The following DMD variants were observed in gnomAD, a reference collection of about 807,000 sequenced individuals.
The protein encoded by DMD is dystrophin, also known as mutant dystrophin.
A neutral mutation model predicts 330.1 loss-of-function variants in DMD; 63 were observed. That is an observed-to-expected ratio of 0.19 (90% CI 0.16 to 0.24). The LOEUF is 0.24. Ranked by LOEUF, DMD falls within the 10% of genes least tolerant of loss-of-function variation. The pLI is 1.00. For synonymous variants in DMD, 1,223 were observed against 959.8 expected, an observed-to-expected ratio of 1.27 and a Z score of -5.07; for missense variants, 3,344 against 2,684.1, an observed-to-expected ratio of 1.25 and a Z score of -5.43.
At position 32,750,220 on chromosome X, in the gene DMD, G is replaced by T. The variant is rs771946170; in HGVS notation, c.650-50927C>A. Among the ~76,000 whole-genome samples the T allele has an allele frequency of 5.4e-5, 6 of 111,898 alleles. No individual in the cohort carries two copies. In the Admixed American group the frequency reaches 5.7e-4, roughly 11 times the overall value. ...CTCTATGAAAACTAGCATAGCATTAGAGTTAGAAAACTGAATCATGTCTAT... is the reference window on the plus strand; with the variant it reads ...CTCTATGAAAACTAGCATAGCATTATAGTTAGAAAACTGAATCATGTCTAT... On this transcript the variant is annotated intron_variant, in intron 7 of 78. Transcript: ENST00000357033.
At chrX:32,463,810 A>T (rs1026749581) in intron 24 of DMD, among the ~76,000 whole-genome samples, 1 of 112,157 alleles carries the variant, frequency 8.9e-6, no homozygotes, top group African/African-American at 3.2e-5. Flanking sequence ...GTGGGGAATT[A>T]TTTGTATTCT....
intron 2 of DMD, among the ~76,000 whole-genome samples, chrX:32,868,444 G>A (rs1420862668): frequency 1.8e-5 from 2 of 111,803 alleles, no homozygotes; most frequent in Non-Finnish European, 3.8e-5. Context: ...AGAGAACTGA[G>A]CTGCTGTGGG....
chrX:32,696,425 T>C (rs939032832), intron 9 of DMD, among the ~76,000 whole-genome samples: 7 of 112,229 alleles, frequency 6.2e-5, no homozygotes, highest in African/African-American at 2.3e-4. Context: ...ATTACATTTA[T>C]TTGAATGGCT....
intron 51 of DMD, among the ~76,000 whole-genome samples, chrX:31,753,631 T>C (rs185997205): frequency 8.9e-6 from 1 of 112,066 alleles, no homozygotes; most frequent in African/African-American, 3.2e-5. Flanking sequence ...CTAATTCTCC[T>C]GACATGAACC....
intron 4 of DMD, among the ~76,000 whole-genome samples, chrX:32,835,997 C>T (rs1460417475): frequency 1.8e-5 from 2 of 109,798 alleles, no homozygotes; most frequent in African/African-American, 6.7e-5. Flanking sequence ...TTATCAATTT[C>T]TTGGTGTGTG....
intron 1 of DMD, among the ~76,000 whole-genome samples, chrX:33,199,672 T>A (rs1472809323): frequency 9.0e-6 from 1 of 110,864 alleles, no homozygotes; most frequent in Non-Finnish European, 1.9e-5. Context: ...GAGGAAGAGA[T>A]CATTATGAGA....
chrX:31,879,217 G>GGGT (rs748838447), intron 47 of DMD, among the ~76,000 whole-genome samples: 1 of 103,781 alleles, frequency 9.6e-6, no homozygotes, highest in Non-Finnish European at 2.0e-5. Flanking sequence ...GGCGGGGGGG[G>GGGT]GCCTCACAAT....
chrX:32,463,910 T>C (rs2098392308), intron 24 of DMD, among the ~76,000 whole-genome samples: 1 of 111,880 alleles, frequency 8.9e-6, no homozygotes, highest in African/African-American at 3.3e-5. Flanking sequence ...ATTATCTTTG[T>C]TAGTATTTTC....
intron 50 of DMD, among the ~76,000 whole-genome samples, chrX:31,805,818 TAAG>T (rs1446057195): frequency 1.8e-5 from 2 of 112,367 alleles, no homozygotes; most frequent in African/African-American, 6.5e-5. Flanking sequence ...GAGGAAGCCT[TAAG>T]AAGATTAGGG....
chrX:32,319,947 T>A (rs548741780), intron 41 of DMD, among the ~76,000 whole-genome samples: 11 of 110,738 alleles, frequency 9.9e-5, no homozygotes, highest in South Asian at 3.8e-4. Context: ...AAATTTCAGC[T>A]TGGGAATACT....
chrX:32,486,307 T>C (rs915846844), intron 20 of DMD, among the ~76,000 whole-genome samples: 8 of 112,012 alleles, frequency 7.1e-5, no homozygotes, highest in African/African-American at 9.7e-5. Flanking sequence ...TTTTAAATAC[T>C]GATTACACTT....
intron 17 of DMD, among the ~76,000 whole-genome samples, chrX:32,524,611 A>C (rs1235231302): frequency 8.9e-6 from 1 of 112,332 alleles, no homozygotes; most frequent in East Asian, 2.8e-4. Context: ...CACACAAAGA[A>C]GGCTTTGTGG....
intron 23 of DMD, among the ~76,000 whole-genome samples, chrX:32,465,680 G>A (rs1378878598): frequency 2.0e-5 from 2 of 102,106 alleles, no homozygotes; most frequent in Admixed American, 1.1e-4. Flanking sequence ...CCACCTCCCA[G>A]GTTCACGCCA....
intron 47 of DMD, among the ~76,000 whole-genome samples, chrX:31,887,388 T>G (rs767338908): frequency 1.7e-4 from 19 of 110,846 alleles, no homozygotes; most frequent in Non-Finnish European, 3.2e-4. Context: ...GCCTCCAACT[T>G]CTTTAGCCTG....
chrX:31,969,682 T>C (rs2095381983), intron 44 of DMD, among the ~76,000 whole-genome samples: 3 of 111,880 alleles, frequency 2.7e-5, no homozygotes, highest in African/African-American at 9.7e-5. Flanking sequence ...ATACATTTCT[T>C]GGCTTTTTTC....
chrX:32,534,509 C>T (rs2047771873), intron 17 of DMD, among the ~76,000 whole-genome samples: 1 of 111,446 alleles, frequency 9.0e-6, no homozygotes, highest in African/African-American at 3.3e-5. Flanking sequence ...TTGAAAGCTT[C>T]CTGAGACCTC....
At chrX:33,005,764 C>A (rs1455828230) in intron 2 of DMD, among the ~76,000 whole-genome samples, 1 of 110,275 alleles carries the variant, frequency 9.1e-6, no homozygotes, top group Non-Finnish European at 1.9e-5. Flanking sequence ...CTAGCTAATG[C>A]AATAAGACAA....
intron 55 of DMD, among the ~76,000 whole-genome samples, chrX:31,566,835 G>A (rs763542277): frequency 9.0e-6 from 1 of 111,500 alleles, no homozygotes; most frequent in Non-Finnish European, 1.9e-5. Context: ...TTATACCTAC[G>A]TATTTCATTT....
intron 30 of DMD, among the ~76,000 whole-genome samples, chrX:32,392,757 C>CTTTTTAGACT (rs2098013027): frequency 2.7e-5 from 3 of 112,569 alleles, no homozygotes; most frequent in Non-Finnish European, 5.6e-5. Flanking sequence ...GCAGCTTCCA[C>CTTTTTAGACT]GTCTATCTTT....
Sources: gnomAD v4.1 joint callset for allele counts (sites outside exome capture counted in the v4.1 genomes callset) on GRCh38, gnomAD v4.1.1 for gene constraint, MANE v1.5 for transcripts, NCBI Gene and HGNC (gene_info 2026-07-23, HGNC 2026-07-21) for gene names.